Variants in TRMT1L observed in about 807,000 individuals in gnomAD.
The protein encoded by TRMT1L is tRNA (guanine(27)-N(2))-dimethyltransferase.
Under a neutral mutation model 81.6 loss-of-function variants are expected in TRMT1L, and 28 were observed. The ratio of observed to expected loss-of-function variants is 0.34; its 90% CI spans 0.25 to 0.47. The LOEUF (loss-of-function observed/expected upper bound fraction) is 0.47. TRMT1L is among the 20% of genes least tolerant of loss of function. The pLI is 1.00. For missense variants in TRMT1L, 739 were observed against 877.1 expected (o/e 0.84, Z 1.99); for synonymous variants, 301 against 303.2 (o/e 0.99, Z 0.07).
At position 185,120,474 on chromosome 1, in the gene TRMT1L, C is replaced by T. The variant is rs1652471892; in HGVS notation, c.1858G>A (p.Gly620Ser). Residue 620 changes from glycine to serine, a missense_variant, in exon 14 of 15, where the codon GGC becomes AGC. By Grantham distance (56) the Gly-to-Ser change is moderately conservative (BLOSUM62 0). Coordinates refer to ENST00000367506, the MANE Select transcript of TRMT1L (RefSeq NM_030934.5). ...CTGACATCAGTCTTTTGCTTCTTGC[C>T]TAAATTTGTGATCATTTCATTACTT... Reference protein sequence around the residue: ...RKSNEMITNLGKKQKTDVSTE... With the variant: ...RKSNEMITNLSKKQKTDVSTE... 1.9e-6 allele frequency: 3 copies of T among 1,597,464 alleles called. No homozygotes were observed. The highest frequency in any genetic ancestry group is 1.7e-6 in the Non-Finnish European group (2 of 1,174,168).
intron 10 of TRMT1L, among the ~76,000 whole-genome samples, chr1:185,130,470 C>T (rs1005576180): frequency 6.6e-6 from 1 of 152,088 alleles, no homozygotes; most frequent in Non-Finnish European, 1.5e-5. Flanking sequence ...GATTATCAGA[C>T]CAGAAAAATC....
rs189937241 is a variant in TRMT1L at position 185,144,129 on chromosome 1, T to G, written c.656-100A>C. The G allele has an allele frequency of 1.9e-3, 2,199 of 1,150,480 alleles. 8 individuals are homozygous for G. Among genetic ancestry groups the G allele is most frequent in the South Asian group, 6.7e-3 (349 of 52,296 alleles). 71.3% of individuals were successfully genotyped at this position (1,150,480 alleles called of 1,614,324 possible). A position where few individuals can be genotyped will look rare whatever the true frequency, so the allele number is the denominator to read the frequency against. ...AAATAATTGTAAACATCTAAAACAA[T>G]AAATATACATTTTGAAAAATAACTT... On this transcript the variant is annotated intron_variant, in intron 5 of 14. Transcript: ENST00000367506.
At chr1:185,141,072 A>T (rs981312469) in intron 7 of TRMT1L, among the ~76,000 whole-genome samples, 2 of 152,120 alleles carry the variant, frequency 1.3e-5, no homozygotes, top group Non-Finnish European at 2.9e-5. Flanking sequence ...CATATCTACT[A>T]GCTTAAAGTC....
chr1:185,125,686 A>G (rs1268396428), intron 11 of TRMT1L, among the ~76,000 whole-genome samples: 1 of 152,220 alleles, frequency 6.6e-6, no homozygotes, highest in East Asian at 1.9e-4. Context: ...TTATATGTGT[A>G]TGTTACCTTA....
At chr1:185,142,169 T>C (rs536945034) in intron 7 of TRMT1L, among the ~76,000 whole-genome samples, 11 of 152,318 alleles carry the variant, frequency 7.2e-5, no homozygotes, top group African/African-American at 2.6e-4. Context: ...ACCATATTTA[T>C]ACTGAGATGG....
intron 5 of TRMT1L, among the ~76,000 whole-genome samples, chr1:185,144,513 G>A (rs1212289485): frequency 6.6e-6 from 1 of 151,898 alleles, no homozygotes; most frequent in African/African-American, 2.4e-5. Flanking sequence ...GAACATGGGA[G>A]ACTTCAGAAT....
chr1:185,125,071 C>T lies in TRMT1L; in HGVS notation c.1632G>A (p.Met544Ile). The T allele has an allele frequency of 6.2e-7, 1 of 1,611,828 alleles. No individual in the cohort carries two copies. The highest frequency in any genetic ancestry group is 1.3e-5 in the African/African-American group (1 of 74,966). The stretch of plus-strand genomic sequence containing the variant: ...AACCATGGTGAAGAGATTCAAATAG[C>T]ATTCTTTTGAGGAATCCAGTATTGA... ...SLFNTGFLKR[M>I]LFESLHHGLD... The change falls in exon 12 of 15, where the codon ATG (methionine) becomes ATA (isoleucine). Residue 544 changes from methionine (M) to isoleucine (I), a missense_variant. Physicochemically the swap from Met to Ile is conservative, Grantham distance 10 (BLOSUM62 1). Transcript: ENST00000367506.
intron 1 of TRMT1L, among the ~76,000 whole-genome samples, chr1:185,153,599 A>T (rs982802765): frequency 1.8e-4 from 27 of 152,162 alleles, no homozygotes; most frequent in Non-Finnish European, 5.9e-5. Context: ...AAATACAGAA[A>T]ATTAGGTTTT....
rs746828583 is a variant in TRMT1L, at chr1:185,120,080, G to T, written c.2141C>A (p.Thr714Asn). The T allele has an allele frequency of 1.4e-5, 22 of 1,613,934 alleles. No homozygotes were observed. The highest frequency in any genetic ancestry group is 1.9e-5 in the Non-Finnish European group (22 of 1,179,902). ...ATTCACTGACATTTCAACTCTTTCA[G>T]TTACTGTATCTTCAGATGCTGACTG... ...HVQSASEDTV[T>N]ERVEMSVNDK... Residue 714 changes from threonine to asparagine, a missense_variant, in exon 15 of 15, where the codon ACT (threonine) becomes AAT (asparagine). Around this residue, in one of 4 missense-constraint regions of TRMT1L, gnomAD observed 196 missense variants for 232.6 expected, o/e 0.84. Coordinates refer to ENST00000367506, the MANE Select transcript of TRMT1L (RefSeq NM_030934.5).
intron 1 of TRMT1L, 116 bp downstream of exon 1, chr1:185,156,362 T>C (rs1260183186): frequency 4.3e-6 from 7 of 1,609,380 alleles, no homozygotes; most frequent in Non-Finnish European, 5.9e-6. Flanking sequence ...TCCCCACCAT[T>C]TTCCTAAACC....
At chr1:185,127,785 A>T (rs975348636) in intron 11 of TRMT1L, among the ~76,000 whole-genome samples, 1 of 148,210 alleles carries the variant, frequency 6.7e-6, no homozygotes, top group African/African-American at 2.5e-5. Context: ...AAAAAAAAAG[A>T]ATCTCTAGTA....
intron 13 of TRMT1L, among the ~76,000 whole-genome samples, chr1:185,123,537 A>C (rs1652547932): frequency 6.6e-6 from 1 of 152,126 alleles, no homozygotes; most frequent in South Asian, 2.1e-4. Flanking sequence ...TAAAAGAATT[A>C]GAATAAAATT....
rs1220605377 is a variant in TRMT1L, at chr1:185,123,882, G to A, written c.1797C>T (p.Thr599=). 2 of 1,513,474 alleles carry A rather than the reference G, an allele frequency of 1.3e-6. No individual in the cohort carries two copies. The highest frequency in any genetic ancestry group is 2.5e-5 in the East Asian group (1 of 40,668). 93.8% of individuals were successfully genotyped at this position (1,513,474 alleles called of 1,614,324 possible). A position where few individuals can be genotyped will look rare whatever the true frequency, so the allele number is the denominator to read the frequency against. ...CTTGTGCAATGTAATTATCTGTTGT[G>A]GTGTCATCTGTAGTTTTAATAAATA... is the stretch of plus-strand genomic sequence containing the variant. ...NGVFIKTTDD[T]TTDNYIAQGK... The change falls in exon 13 of 15, where the codon ACC becomes ACT. Residue 599 remains threonine (T), a synonymous_variant. Transcript: ENST00000367506.
chr1:185,151,999 T>C, intron 1 of TRMT1L, 64 bp from the exon 2 acceptor site: 1 of 983,034 alleles, frequency 1.0e-6, no homozygotes, highest in Non-Finnish European at 1.5e-6. Context: ...TTTTTATTGA[T>C]CACATCGTAT....
intron 10 of TRMT1L, among the ~76,000 whole-genome samples, chr1:185,134,476 C>A (rs771092119): frequency 1.3e-5 from 2 of 152,194 alleles, no homozygotes; most frequent in Admixed American, 6.5e-5. Context: ...CGTGAGCCAC[C>A]GTGCCCAGCT....
At chr1:185,124,341 GTTTT>G (rs145314848) in intron 12 of TRMT1L, among the ~76,000 whole-genome samples, 2 of 146,698 alleles carry the variant, frequency 1.4e-5, no homozygotes, top group Admixed American at 1.4e-4. Flanking sequence ...GACCTTTAGT[GTTTT>G]TTTTTTCTTT....
intron 1 of TRMT1L, among the ~76,000 whole-genome samples, chr1:185,153,229 A>G (rs1653409945): frequency 6.6e-6 from 1 of 152,198 alleles, no homozygotes; most frequent in South Asian, 2.1e-4. Flanking sequence ...ATACATGAAT[A>G]AGTCTAAAAT....
At chr1:185,144,790 T>C (rs374355382) in intron 5 of TRMT1L, among the ~76,000 whole-genome samples, 2 of 151,606 alleles carry the variant, frequency 1.3e-5, no homozygotes, top group African/African-American at 4.8e-5. Flanking sequence ...TCCCTAGCAC[T>C]GTGTTACATA....
At position 185,139,959 on chromosome 1, in the gene TRMT1L, T is replaced by A; in HGVS notation, c.1109+14A>T. 1 of 1,596,822 alleles carries A rather than the reference T, an allele frequency of 6.3e-7. No individual in the cohort carries two copies. On this transcript the variant is annotated intron_variant, in intron 8 of 14. Transcript: ENST00000367506. Reference sequence around the variant, plus strand: ...TAAGTTTAGAAAGTGACACGGCAAGTCTTTTCTACTTACATGAAATCAAAA... The same window carrying A: ...TAAGTTTAGAAAGTGACACGGCAAGACTTTTCTACTTACATGAAATCAAAA...
Sources: allele counts gnomAD v4.1 joint callset (sites outside exome capture counted in the v4.1 genomes callset), GRCh38; gene constraint gnomAD v4.1.1; regional missense constraint gnomAD v4.1.1; transcripts MANE v1.5; gene names NCBI Gene and HGNC (gene_info 2026-07-23, HGNC 2026-07-21).